Variants in RWDD4 observed in about 807,000 individuals in gnomAD.
RWDD4 encodes RWD domain containing 4.
A neutral mutation model predicts 30.0 loss-of-function variants in RWDD4; 16 were observed. The ratio of observed to expected loss-of-function variants is 0.53; its 90% CI spans 0.36 to 0.81. The LOEUF (loss-of-function observed/expected upper bound fraction) is 0.81. Ranked by LOEUF, RWDD4 falls within the 30% of genes least tolerant of loss-of-function variation. RWDD4 has a pLI of 0.00. For synonymous variants in RWDD4, 45 were observed against 72.1 expected, an observed-to-expected ratio of 0.62 and a Z score of 1.90; for missense variants, 170 against 223.9, an observed-to-expected ratio of 0.76 and a Z score of 1.54.
intron 2 of RWDD4, among the ~76,000 whole-genome samples, chr4:183,652,735 G>A (rs1196562276): frequency 3.3e-5 from 5 of 151,404 alleles, no homozygotes; most frequent in Non-Finnish European, 7.4e-5. Context: ...GCTTGAATCT[G>A]GTAGGCAGAG....
chr4:183,656,117 T>C (rs73002733), intron 1 of RWDD4, 156 bp from the exon 2 acceptor site: 64,278 of 564,434 alleles, frequency 0.11, 5,116 homozygotes, highest in African/African-American at 0.29. Flanking sequence ...CAGCAACACA[T>C]GACAATATTA....
At chr4:183,649,339 G>C in intron 5 of RWDD4, 112 bp downstream of exon 5, 1 of 653,534 alleles carries the variant, frequency 1.5e-6, no homozygotes, top group Admixed American at 2.5e-5. Context: ...GCATGAGCCT[G>C]GGAGGTGGAG....
At chr4:183,651,195 A>T in intron 3 of RWDD4, 23 bp downstream of exon 3, 1 of 1,613,356 alleles carries the variant, frequency 6.2e-7, no homozygotes, top group South Asian at 1.1e-5. Context: ...AATGAAAAGC[A>T]GTAAAAACAA....
intron 2 of RWDD4, 71 bp from the exon 3 acceptor site, chr4:183,651,398 A>G: frequency 1.8e-6 from 2 of 1,123,052 alleles, no homozygotes; most frequent in Non-Finnish European, 1.3e-6. Flanking sequence ...ATAATCTTCA[A>G]AAGGGTGAAT....
At chr4:183,641,746 G>T (rs1733860307) in intron 7 of RWDD4, among the ~76,000 whole-genome samples, 1 of 152,044 alleles carries the variant, frequency 6.6e-6, no homozygotes, top group East Asian at 1.9e-4. Flanking sequence ...CTGGAACCAA[G>T]AATATACAAA....
At position 183,659,152 on chromosome 4, in the gene RWDD4, G is replaced by T. The variant is rs937104778; in HGVS notation, c.-200C>A. 5.4e-5 allele frequency: 22 copies of T among 408,160 alleles called. No homozygotes were observed. Among genetic ancestry groups the T allele is most frequent in the Non-Finnish European group, 8.5e-5 (20 of 236,432 alleles). 25.3% of individuals were successfully genotyped at this position (408,160 alleles called of 1,614,324 possible). ...CCGCCGGCAGTGGGCTGTGGGCTAC[G>T]AGCCGGAGCCGCGGCTGGTGGGGCC... On this transcript the variant is annotated 5_prime_UTR_variant, in exon 1 of 8. Transcript: ENST00000326397.
intron 2 of RWDD4, among the ~76,000 whole-genome samples, chr4:183,651,955 T>C (rs1035260306): frequency 1.3e-5 from 2 of 152,238 alleles, no homozygotes; most frequent in East Asian, 1.9e-4. Flanking sequence ...CTGACATTCA[T>C]CTTATTCACC....
rs1183965418 is a variant in RWDD4 at position 183,655,936 on chromosome 4, A to G, written c.50T>C (p.Ile17Thr). The part of the protein sequence containing the change: ...QEMELEALRS[I>T]YEGDESFREL... ...CCGGAAACTTTCATCTCCTTCATAA[A>G]TAGAGCGTAATGCTTCTAGTTCCAT... Residue 17 changes from isoleucine to threonine, a missense_variant, in exon 2 of 8, where the codon ATT becomes ACT. Transcript: ENST00000326397. The G allele has an allele frequency of 6.2e-7, 1 of 1,611,142 alleles. No individual in the cohort carries two copies. Among genetic ancestry groups the G allele is most frequent in the South Asian group, 1.1e-5 (1 of 91,006 alleles).
intron 1 of RWDD4, among the ~76,000 whole-genome samples, chr4:183,657,151 A>T (rs765415423): frequency 2.0e-5 from 3 of 152,258 alleles, no homozygotes; most frequent in African/African-American, 7.2e-5. Context: ...CTTCTTAGAT[A>T]GGGAAACTTG....
At chr4:183,648,452 G>T (rs1282418868) in intron 5 of RWDD4, among the ~76,000 whole-genome samples, 2 of 151,848 alleles carry the variant, frequency 1.3e-5, no homozygotes, top group Admixed American at 6.6e-5. Flanking sequence ...GTTAAATAAA[G>T]AAAAGCAATC....
At chr4:183,646,731 C>T (rs1733972846) in intron 5 of RWDD4, among the ~76,000 whole-genome samples, 194 bp from the exon 6 acceptor site, 1 of 152,108 alleles carries the variant, frequency 6.6e-6, no homozygotes, top group Non-Finnish European at 1.5e-5. Context: ...TTTAGGTATA[C>T]TCCTTTTTTA....
rs1483630073 is a variant in RWDD4, at chr4:183,646,528, C to A, written c.491G>T (p.Gly164Val). ...CCAGTTCCAGCCTCGAGGAAGTTCT[C>A]CTTTGTGATCTAGAAGATAAAAAAT... The part of the protein sequence containing the change: ...RKLADKTDHK[G>V]ELPRGWNWVD... Residue 164 changes from glycine to valine, a missense_variant, in exon 6 of 8, where the codon GGA becomes GTA. Coordinates refer to ENST00000326397, the MANE Select transcript of RWDD4 (RefSeq NM_152682.4). The A allele has an allele frequency of 6.2e-7, 1 of 1,611,280 alleles. No homozygotes were observed. The highest frequency in any genetic ancestry group is 8.5e-7 in the Non-Finnish European group (1 of 1,179,412).
intron 1 of RWDD4, among the ~76,000 whole-genome samples, chr4:183,656,816 A>T (rs1734203989): frequency 6.6e-6 from 1 of 152,208 alleles, no homozygotes; most frequent in Non-Finnish European, 1.5e-5. Flanking sequence ...ACCTGAGGTC[A>T]GGAGTTCGAG....
intron 1 of RWDD4, among the ~76,000 whole-genome samples, chr4:183,656,792 G>A (rs1455196940): frequency 1.3e-5 from 2 of 152,152 alleles, no homozygotes; most frequent in Admixed American, 6.5e-5. Flanking sequence ...TTGGGAGGCC[G>A]AGGCGGGCGG....
intron 7 of RWDD4, among the ~76,000 whole-genome samples, chr4:183,645,146 T>C (rs1216360699): frequency 1.3e-5 from 2 of 152,048 alleles, no homozygotes; most frequent in East Asian, 1.9e-4. Context: ...ACCAAAAAGG[T>C]TTAAGAATAC....
At position 183,659,177 on chromosome 4, in the gene RWDD4, C is replaced by T. The variant is rs928547095; in HGVS notation, c.-225G>A. 3.0e-5 allele frequency: 12 copies of T among 395,184 alleles called. No individual in the cohort carries two copies. Among genetic ancestry groups the T allele is most frequent in the Non-Finnish European group, 5.3e-5 (12 of 224,962 alleles). The allele number at this position is 395,184 out of a possible 1,614,324, so 24.5% of individuals were successfully genotyped here. ...GAGCCGGAGCCGCGGCTGGTGGGGC[C>T]TGGGAAGTGCAGCGTCTCCCTGACG... On this transcript the variant is annotated 5_prime_UTR_variant, in exon 1 of 8. Transcript: ENST00000326397.
intron 1 of RWDD4, among the ~76,000 whole-genome samples, chr4:183,657,857 A>G (rs958139808): frequency 6.6e-6 from 1 of 152,222 alleles, no homozygotes; most frequent in African/African-American, 2.4e-5. Flanking sequence ...TTTTCTTGTT[A>G]AACTGGAGAT....
intron 5 of RWDD4, among the ~76,000 whole-genome samples, chr4:183,648,872 GT>G (rs1391253160): frequency 2.0e-5 from 3 of 151,104 alleles, no homozygotes; most frequent in Non-Finnish European, 4.4e-5. Flanking sequence ...TTGAGACAGA[GT>G]TTTGCTGTTG....
chr4:183,646,226 T>A, intron 7 of RWDD4, 125 bp downstream of exon 7: 1 of 667,724 alleles, frequency 1.5e-6, no homozygotes, highest in South Asian at 1.8e-5. Context: ...TAAGATGTGC[T>A]TACATAGTCA....
Sources: gnomAD v4.1 joint callset for allele counts (sites outside exome capture counted in the v4.1 genomes callset) on GRCh38, gnomAD v4.1.1 for gene constraint, MANE v1.5 for transcripts, NCBI Gene and HGNC (gene_info 2026-07-23, HGNC 2026-07-21) for gene names.